UST: variants seen among roughly 807,000 people sequenced by gnomAD.
UST encodes chondroitin sulfate 2-O-sulfotransferase.
Under a neutral mutation model 45.6 loss-of-function variants are expected in UST, and 21 were observed. That is an observed-to-expected ratio of 0.46 (90% CI 0.33 to 0.66). The LOEUF (loss-of-function observed/expected upper bound fraction) is 0.66. Ranked by LOEUF, UST falls within the 30% of genes least tolerant of loss-of-function variation. UST has a pLI of 0.02. For missense variants in UST, 463 were observed against 512.4 expected (o/e 0.90, Z 0.93); for synonymous variants, 215 against 200.6 (o/e 1.07, Z -0.61).
At chr6:148,750,136 T>G (rs911753914) in intron 1 of UST, among the ~76,000 whole-genome samples, 6 of 152,334 alleles carry the variant, frequency 3.9e-5, no homozygotes, top group Admixed American at 1.3e-4. Flanking sequence ...TTTTCGTAAA[T>G]GTAAGTTCAT....
intron 2 of UST, among the ~76,000 whole-genome samples, chr6:148,924,347 C>T (rs1779772057): frequency 6.6e-6 from 1 of 152,210 alleles, no homozygotes; most frequent in South Asian, 2.1e-4. Flanking sequence ...CCCTTATCAC[C>T]TTGTACTTAT....
chr6:149,057,640 G>A (rs148443218), intron 7 of UST, among the ~76,000 whole-genome samples: 1 of 152,298 alleles, frequency 6.6e-6, no homozygotes, highest in Non-Finnish European at 1.5e-5. Context: ...TCTAACAGTA[G>A]CAGATGGTTA....
At chr6:148,967,487 C>T (rs1439777839) in intron 5 of UST, among the ~76,000 whole-genome samples, 3 of 152,174 alleles carry the variant, frequency 2.0e-5, no homozygotes, top group Non-Finnish European at 4.4e-5. Flanking sequence ...ATAGCTGAAA[C>T]TTTTAATTCC....
At chr6:148,980,198 C>T (rs1275176330) in intron 5 of UST, among the ~76,000 whole-genome samples, 2 of 152,076 alleles carry the variant, frequency 1.3e-5, no homozygotes, top group Non-Finnish European at 2.9e-5. Context: ...GAATAACCTA[C>T]ATATATCACC....
At chr6:148,826,895 C>G (rs1777577655) in intron 1 of UST, among the ~76,000 whole-genome samples, 1 of 152,170 alleles carries the variant, frequency 6.6e-6, no homozygotes, top group African/African-American at 2.4e-5. Context: ...TGACCCTGCT[C>G]CCATCATCAC....
At chr6:148,770,079 T>C (rs1385931818) in intron 1 of UST, among the ~76,000 whole-genome samples, 2 of 152,004 alleles carry the variant, frequency 1.3e-5, no homozygotes, top group Non-Finnish European at 2.9e-5. Context: ...AAGATTTTAA[T>C]TTTTTCAAGA....
chr6:149,047,501 A>C (rs1307112320), intron 7 of UST, among the ~76,000 whole-genome samples: 1 of 152,202 alleles, frequency 6.6e-6, no homozygotes, highest in Non-Finnish European at 1.5e-5. Flanking sequence ...CAAAATTTAA[A>C]AGTCCTTTTG....
chr6:148,872,908 T>C (rs1257292327), intron 1 of UST, among the ~76,000 whole-genome samples: 5 of 152,188 alleles, frequency 3.3e-5, no homozygotes, highest in African/African-American at 7.2e-5. Context: ...TCTAGGATCT[T>C]CCAGCATCCT....
chr6:148,784,529 A>G (rs372117375), intron 1 of UST, among the ~76,000 whole-genome samples: 4 of 152,354 alleles, frequency 2.6e-5, no homozygotes, highest in African/African-American at 9.6e-5. Flanking sequence ...CAGGCAAATC[A>G]TACCTCTGTC....
At chr6:148,758,647 A>G (rs1302052485) in intron 1 of UST, among the ~76,000 whole-genome samples, 2 of 152,154 alleles carry the variant, frequency 1.3e-5, no homozygotes, top group African/African-American at 4.8e-5. Context: ...TGACAGTCAG[A>G]GCAAGAGCAG....
chr6:149,068,447 C>T (rs1034357082), intron 7 of UST, among the ~76,000 whole-genome samples: 4 of 152,190 alleles, frequency 2.6e-5, no homozygotes, highest in Non-Finnish European at 5.9e-5. Context: ...TCAGTGCTTG[C>T]TACACATTAG....
chr6:148,863,050 C>G (rs1444095150), intron 1 of UST, among the ~76,000 whole-genome samples: 2 of 152,162 alleles, frequency 1.3e-5, no homozygotes, highest in African/African-American at 2.4e-5. Context: ...GCCTGCCTTG[C>G]TAGGTTGGGG....
chr6:148,778,876 C>A (rs996186868), intron 1 of UST, among the ~76,000 whole-genome samples: 1 of 152,164 alleles, frequency 6.6e-6, no homozygotes, highest in Non-Finnish European at 1.5e-5. Context: ...GCCCACCCCC[C>A]TCCATCCCAT....
chr6:149,059,044 CAT>C (rs778343302), intron 7 of UST, among the ~76,000 whole-genome samples: 75 of 152,308 alleles, frequency 4.9e-4, no homozygotes, highest in South Asian at 1.2e-3. Flanking sequence ...AGAAAAGAAA[CAT>C]AGCAACTTGC....
intron 2 of UST, among the ~76,000 whole-genome samples, chr6:148,917,578 A>G (rs2114889565): frequency 6.6e-6 from 1 of 152,332 alleles, no homozygotes; most frequent in Admixed American, 6.5e-5. Context: ...CTGAATTTTT[A>G]ACCTGTGTCC....
intron 2 of UST, among the ~76,000 whole-genome samples, chr6:148,893,361 G>T (rs1181625359): frequency 1.3e-5 from 2 of 152,120 alleles, no homozygotes; most frequent in Non-Finnish European, 2.9e-5. Context: ...CAATAAAGTT[G>T]AGTCCTTCCT....
intron 2 of UST, among the ~76,000 whole-genome samples, chr6:148,891,913 C>G (rs1359540224): frequency 6.6e-6 from 1 of 152,180 alleles, no homozygotes; most frequent in Non-Finnish European, 1.5e-5. Flanking sequence ...CCTTCAGCAC[C>G]TGAACGTTTT....
chr6:148,925,741 C>T (rs889272319), intron 2 of UST, among the ~76,000 whole-genome samples: 1 of 152,218 alleles, frequency 6.6e-6, no homozygotes, highest in Non-Finnish European at 1.5e-5. Context: ...ACCTTGAGAG[C>T]AACTCTCACA....
chr6:149,074,007 C>A lies in UST; in HGVS notation c.1112C>A (p.Pro371His), dbSNP rs763772175. Residue 371 changes from proline (P) to histidine (H), a missense_variant, in exon 8 of 8, where the codon CCC becomes CAC. By Grantham distance (77) the Pro-to-His change is moderately conservative (BLOSUM62 -2). Transcript: ENST00000367463. ...GGACTTAAGTCTCACGTCAGCAAGC[C>A]CCCCCTGAGGCCACACTTCTTTATC... ...KFGLKSHVSK[P>H]PLRPHFFIPT... is the part of the protein sequence containing the mutation. The A allele has an allele frequency of 1.2e-4, 201 of 1,614,052 alleles. No individual in the cohort carries two copies. The highest frequency in any genetic ancestry group is 1.6e-4 in the Non-Finnish European group (189 of 1,180,040).
Sources: allele counts gnomAD v4.1 joint callset (sites outside exome capture counted in the v4.1 genomes callset), GRCh38; gene constraint gnomAD v4.1.1; transcripts MANE v1.5; gene names NCBI Gene and HGNC (gene_info 2026-07-23, HGNC 2026-07-21).